KIF16B: variants seen among roughly 807,000 people sequenced by gnomAD.
KIF16B encodes kinesin-like protein KIF16B.
Under a neutral mutation model 156.3 loss-of-function variants are expected in KIF16B, and 98 were observed. That is an observed-to-expected ratio of 0.63 (90% CI 0.53 to 0.74). The LOEUF is 0.74. Among genes scored for constraint, KIF16B ranks in the 30% least tolerant of loss-of-function variants. The pLI is 0.00. For synonymous variants in KIF16B, 564 were observed against 583.7 expected, an observed-to-expected ratio of 0.97 and a Z score of 0.49; for missense variants, 1,421 against 1,606.5, an observed-to-expected ratio of 0.88 and a Z score of 1.97.
intron 1 of KIF16B, among the ~76,000 whole-genome samples, chr20:16,563,261 T>G (rs1054067680): frequency 2.0e-5 from 3 of 152,180 alleles, no homozygotes; most frequent in African/African-American, 4.8e-5. Flanking sequence ...TGTGCTTGGA[T>G]GAATGTGCGG....
intron 10 of KIF16B, among the ~76,000 whole-genome samples, chr20:16,498,798 G>T (rs749648431): frequency 6.6e-6 from 1 of 151,756 alleles, no homozygotes; most frequent in African/African-American, 2.4e-5. Context: ...TCATCTATAC[G>T]TATGGTTTTT....
intron 10 of KIF16B, 35 bp from the exon 11 acceptor site, chr20:16,497,713 A>C: frequency 7.3e-7 from 1 of 1,371,430 alleles, no homozygotes; most frequent in Non-Finnish European, 1.0e-6. Context: ...TCAGCAATTA[A>C]TAAACAGCAA....
rs775550223 is a variant in KIF16B at position 16,371,709 on chromosome 20, G to A, written c.3403C>T (p.Arg1135Cys). ...EVQRRLQDLH[R>C]VISEGCSTSA... Reference sequence around the variant, plus strand: ...GTACTGCAGCCTTCACTAATCACACGATGCAAATCCTGAAGGCGTCTTTGG... The same window carrying A: ...GTACTGCAGCCTTCACTAATCACACAATGCAAATCCTGAAGGCGTCTTTGG... The change falls in exon 21 of 26, where the codon CGT (arginine) becomes TGT (cysteine). Residue 1135 changes from arginine (R) to cysteine (C), a missense_variant. By Grantham distance (180) the Arg-to-Cys change is radical. Coordinates refer to ENST00000354981, the MANE Select transcript of KIF16B (RefSeq NM_024704.5). 4 of 1,613,602 alleles carry A rather than the reference G, an allele frequency of 2.5e-6. No individual in the cohort carries two copies. The highest frequency in any genetic ancestry group is 1.7e-5 in the Admixed American group (1 of 59,982).
intron 17 of KIF16B, among the ~76,000 whole-genome samples, chr20:16,402,975 T>C (rs1184754327): frequency 6.6e-6 from 1 of 152,210 alleles, no homozygotes; most frequent in African/African-American, 2.4e-5. Context: ...CCATCTCACG[T>C]ATATATGTAA....
chr20:16,367,179 A>G (rs1031402289), intron 22 of KIF16B: 7 of 1,607,812 alleles, frequency 4.4e-6, no homozygotes, highest in African/African-American at 1.3e-5. Context: ...TTAGCCAAAG[A>G]GCCTCATCTT....
At chr20:16,508,721 G>T (rs978441071) in intron 6 of KIF16B, among the ~76,000 whole-genome samples, 2 of 152,118 alleles carry the variant, frequency 1.3e-5, no homozygotes, top group African/African-American at 4.8e-5. Context: ...CAGCCCGGGG[G>T]TTAGAGGCCT....
chr20:16,502,045 A>G (rs2146984319), intron 10 of KIF16B, among the ~76,000 whole-genome samples: 1 of 152,278 alleles, frequency 6.6e-6, no homozygotes, highest in East Asian at 1.9e-4. Flanking sequence ...ACATATATCT[A>G]CATATCTAGA....
At chr20:16,454,534 T>C (rs1180662265) in intron 12 of KIF16B, among the ~76,000 whole-genome samples, 1 of 151,936 alleles carries the variant, frequency 6.6e-6, no homozygotes, top group Admixed American at 6.6e-5. Flanking sequence ...ATGGTAGTCT[T>C]AATTACATTT....
chr20:16,570,951 C>T (rs1449749566), intron 1 of KIF16B, among the ~76,000 whole-genome samples: 2 of 152,212 alleles, frequency 1.3e-5, no homozygotes, highest in African/African-American at 4.8e-5. Context: ...CTCAAATCAC[C>T]TGAGACCTAA....
chr20:16,463,373 A>C lies in KIF16B; in HGVS notation c.1302+30918T>G, dbSNP rs114518235. Among the ~76,000 whole-genome samples, 1,115 of 152,336 alleles carry C rather than the reference A, an allele frequency of 7.3e-3. 10 individuals are homozygous for C. The highest frequency in any genetic ancestry group is 0.023 in the African/African-American group (976 of 41,588). ...CAAGATGGCAAAGTCACAGTAAGGCACTATACCTAGTGGTCCCTCTCAAAG... is the reference window on the plus strand; with the variant it reads ...CAAGATGGCAAAGTCACAGTAAGGCCCTATACCTAGTGGTCCCTCTCAAAG... On this transcript the variant is annotated intron_variant, in intron 12 of 25. Transcript: ENST00000354981.
intron 15 of KIF16B, among the ~76,000 whole-genome samples, chr20:16,417,327 T>C (rs1413775206): frequency 1.3e-5 from 2 of 152,130 alleles, no homozygotes; most frequent in African/African-American, 4.8e-5. Context: ...GTACACCCAC[T>C]GCTACTGGAG....
intron 3 of KIF16B, among the ~76,000 whole-genome samples, chr20:16,521,521 GA>G (rs1371342226): frequency 6.6e-6 from 1 of 152,080 alleles, no homozygotes; most frequent in Non-Finnish European, 1.5e-5. Flanking sequence ...GGGACTATGT[GA>G]AAAGACCAAA....
chr20:16,458,678 A>C (rs2067272463), intron 12 of KIF16B, among the ~76,000 whole-genome samples: 1 of 152,106 alleles, frequency 6.6e-6, no homozygotes, highest in East Asian at 1.9e-4. Flanking sequence ...GGAAGAAAGG[A>C]GGGAGAGAGT....
At chr20:16,394,560 C>G (rs1418215089) in intron 17 of KIF16B, among the ~76,000 whole-genome samples, 1 of 152,126 alleles carries the variant, frequency 6.6e-6, no homozygotes, top group African/African-American at 2.4e-5. Flanking sequence ...AAGAAACCAG[C>G]CTTGCAGCAA....
chr20:16,527,102 A>C (rs1471157005), intron 2 of KIF16B, among the ~76,000 whole-genome samples: 1 of 152,216 alleles, frequency 6.6e-6, no homozygotes, highest in African/African-American at 2.4e-5. Context: ...AGGAAAGACA[A>C]GGTAATTACC....
chr20:16,406,016 G>C lies in KIF16B; in HGVS notation c.1695+358C>G, dbSNP rs371615020. Among the ~76,000 whole-genome samples the C allele has an allele frequency of 5.3e-5, 8 of 152,180 alleles. No homozygotes were observed. The East Asian group carries it at 1.4e-3, about 26-fold the overall frequency. The stretch of plus-strand genomic sequence containing the variant: ...AAATCTGTTTACTGTGGCTGATTTT[G>C]GATTAATGTGATTCCAATGTTGGGT... On this transcript the variant is annotated intron_variant, in intron 16 of 25. Coordinates refer to ENST00000354981, the MANE Select transcript of KIF16B (RefSeq NM_024704.5).
chr20:16,384,686 T>C (rs1462778107), intron 17 of KIF16B, among the ~76,000 whole-genome samples: 1 of 152,084 alleles, frequency 6.6e-6, no homozygotes, highest in African/African-American at 2.4e-5. Context: ...GGTAGCAACT[T>C]AAGCAGGAGA....
At chr20:16,302,759 T>C in intron 25 of KIF16B, among the ~76,000 whole-genome samples, 1 of 152,250 alleles carries the variant, frequency 6.6e-6, no homozygotes, top group Non-Finnish European at 1.5e-5. Context: ...TTTTGGGGGA[T>C]GCTAAAGTAA....
intron 24 of KIF16B, among the ~76,000 whole-genome samples, chr20:16,328,323 T>C (rs545786044): frequency 8.5e-5 from 13 of 152,274 alleles, no homozygotes; most frequent in African/African-American, 2.4e-4. Context: ...TTGAGGCTGA[T>C]TGTGTTTGAA....
Sources: allele counts gnomAD v4.1 joint callset (sites outside exome capture counted in the v4.1 genomes callset), GRCh38; gene constraint gnomAD v4.1.1; transcripts MANE v1.5; gene names NCBI Gene and HGNC (gene_info 2026-07-23, HGNC 2026-07-21).